MICALL2: variants seen among roughly 807,000 people sequenced by gnomAD.
MICALL2 encodes the protein MICAL like 2, also known as MICAL-like protein 2.
Under a neutral mutation model 91.1 loss-of-function variants are expected in MICALL2, and 111 were observed. The ratio of observed to expected loss-of-function variants is 1.22; its 90% confidence interval spans 1.04 to 1.43. The LOEUF (loss-of-function observed/expected upper bound fraction) is 1.43, where lower values mean the gene tolerates loss of function less well. Ranked by LOEUF, MICALL2 falls within the 40% of genes most tolerant of loss-of-function variation. MICALL2 has a pLI of 0.00. For missense variants in MICALL2, 1,556 were observed against 1,236.0 expected (o/e 1.26, Z -3.88); for synonymous variants, 694 against 525.3 (o/e 1.32, Z -4.39).
intron 10 of MICALL2, 101 bp from the exon 11 acceptor site, chr7:1,438,454 GC>G: frequency 2.0e-6 from 3 of 1,506,362 alleles, no homozygotes; most frequent in Non-Finnish European, 2.7e-6. Flanking sequence ...AGCACAGCTG[GC>G]CCCAGCCCTG....
rs777584378 is a variant in MICALL2, at chr7:1,440,642, G to A, written c.1754C>T (p.Ala585Val). The change falls in exon 8 of 17, where the codon GCA (alanine) becomes GTA (valine). Residue 585 changes from alanine (A) to valine (V), a missense_variant. Ala to Val is a moderately conservative substitution (Grantham distance 64). Transcript: ENST00000297508. Reference protein sequence around the residue: ...SLQEGQEDGPAGWRANLKPVD... With the variant: ...SLQEGQEDGPVGWRANLKPVD... Reference sequence around the variant, plus strand: ...GGGCTTCAGATTCGCTCTCCATCCTGCCGGCCCGTCCTCCTGGCCTTCCTG... The same window carrying A: ...GGGCTTCAGATTCGCTCTCCATCCTACCGGCCCGTCCTCCTGGCCTTCCTG... 4.3e-6 allele frequency: 7 copies of A among 1,612,620 alleles called. No homozygotes were observed. The Admixed American group carries it at 1.0e-4, about 23-fold the overall frequency.
chr7:1,440,544 G>A (rs772898192), intron 8 of MICALL2, 47 bp downstream of exon 8: 3 of 1,499,038 alleles, frequency 2.0e-6, no homozygotes, highest in African/African-American at 2.8e-5. Context: ...CATTTATTAA[G>A]CACCTATGGT....
At chr7:1,439,225 C>A in intron 9 of MICALL2, 1 of 526,680 alleles carries the variant, frequency 1.9e-6, no homozygotes, top group South Asian at 2.6e-5. Flanking sequence ...CAAGGTCACA[C>A]AGGAAGTGGC....
At position 1,438,945 on chromosome 7, in the gene MICALL2, G is replaced by A; in HGVS notation, c.2017C>T (p.Leu673Phe). Residue 673 changes from leucine to phenylalanine, a missense_variant, in exon 10 of 17, where the codon CTC (leucine) becomes TTC (phenylalanine). Physicochemically the swap from Leu to Phe is conservative, Grantham distance 22 (BLOSUM62 0). Transcript: ENST00000297508. ...CGAAGCCAGTTGTCACAAACGTCGA[G>A]GCTGGCAGGGACGGCCAGTCTCCTG... ...RRRRLAVPASLDVCDNWLRPE... is the reference protein window; with the variant it reads ...RRRRLAVPASFDVCDNWLRPE... 6.2e-7 allele frequency: 1 copy of A among 1,604,966 alleles called. No individual in the cohort carries two copies. Among genetic ancestry groups the A allele is most frequent in the African/African-American group, 1.3e-5 (1 of 75,036 alleles).
chr7:1,440,674 G>A lies in MICALL2; in HGVS notation c.1722C>T (p.Thr574=). ...CGTCCTCCTGGCCTTCCTGGAGGCT[G>A]GTGCTCATGTCTGGGTGGGAGGCAA... is the stretch of plus-strand genomic sequence containing the variant. ...KSTTLTQDMS[T]SLQEGQEDGP... Residue 574 remains threonine, a synonymous_variant, in exon 8 of 17, where the codon ACC becomes ACT. Transcript: ENST00000297508. 2 of 1,611,888 alleles carry A rather than the reference G, an allele frequency of 1.2e-6. No homozygotes were observed. Among genetic ancestry groups the A allele is most frequent in the Non-Finnish European group, 8.5e-7 (1 of 1,179,838 alleles).
chr7:1,437,377 G>GTTAAGT, intron 14 of MICALL2, 158 bp downstream of exon 14: 1 of 636,450 alleles, frequency 1.6e-6, no homozygotes, highest in Non-Finnish European at 2.6e-6. Flanking sequence ...ACACAGCCAG[G>GTTAAGT]AGGTGGGAGA....
intron 1 of MICALL2, 69 bp from the exon 2 acceptor site, chr7:1,450,357 A>G: frequency 7.5e-7 from 1 of 1,338,818 alleles, no homozygotes; most frequent in South Asian, 1.2e-5. Context: ...AGGGCCTCAG[A>G]GGTCATCTTG....
chr7:1,439,847 G>T, intron 9 of MICALL2, 78 bp downstream of exon 9: 2 of 1,261,152 alleles, frequency 1.6e-6, no homozygotes, highest in African/African-American at 1.6e-5. Flanking sequence ...GGCACTACAG[G>T]TCCAGTCCCG....
At chr7:1,434,985 G>GGGC in intron 16 of MICALL2, 116 bp downstream of exon 16, 7 of 255,658 alleles carry the variant, frequency 2.7e-5, no homozygotes, top group Non-Finnish European at 3.0e-5. Flanking sequence ...CCCGATACCC[G>GGGC]CCCCCCCCCC....
intron 9 of MICALL2, chr7:1,439,223 C>T (rs1444818447): frequency 1.9e-6 from 1 of 529,414 alleles, no homozygotes; most frequent in African/African-American, 1.9e-5. Context: ...CTCAAGGTCA[C>T]ACAGGAAGTG....
chr7:1,442,564 C>T lies in MICALL2; in HGVS notation c.1419-80G>A, dbSNP rs1780354479. The T allele has an allele frequency of 1.0e-5, 14 of 1,365,138 alleles. No individual in the cohort carries two copies. The Admixed American group carries it at 1.2e-4, about 11-fold the overall frequency. The allele number at this position is 1,365,138 out of a possible 1,614,324, so 84.6% of individuals were successfully genotyped here. ...ATCACCCGAGGCCGCCCCTCTGCCT[C>T]CCTGCAGCTCACTCCCAATGCCCAG... is the stretch of plus-strand genomic sequence containing the variant. On this transcript the variant is annotated intron_variant, in intron 6 of 16. Transcript: ENST00000297508.
In MICALL2 at chr7:1,458,030, G is replaced by C. The variant is rs189068087; in HGVS notation, c.143+1154C>G. Among the ~76,000 whole-genome samples, 740 of 152,402 alleles carry C rather than the reference G, an allele frequency of 4.9e-3. 4 individuals are homozygous for C. Among genetic ancestry groups the C allele is most frequent in the African/African-American group, 0.017 (695 of 41,600 alleles). The stretch of plus-strand genomic sequence containing the variant: ...GCAACAGAGGCACGTTCCTGGCGAG[G>C]GAGAGCGGCTGCTGCCCAAACGCCA... On this transcript the variant is annotated intron_variant, in intron 1 of 16. Coordinates refer to ENST00000297508, the MANE Select transcript of MICALL2 (RefSeq NM_182924.4).
intron 8 of MICALL2, 105 bp from the exon 9 acceptor site, chr7:1,440,190 G>C: frequency 7.1e-7 from 1 of 1,408,242 alleles, no homozygotes; most frequent in Non-Finnish European, 9.5e-7. Context: ...GGAGCAGGTG[G>C]CCTTCTGAGC....
At chr7:1,445,457 G>A in intron 5 of MICALL2, 29 bp from the exon 6 acceptor site, 1 of 1,471,274 alleles carries the variant, frequency 6.8e-7, no homozygotes, top group Non-Finnish European at 9.0e-7. Flanking sequence ...AGGAGCCCCA[G>A]CTCGGCACCG....
rs118132501 is a variant in MICALL2 at position 1,440,649 on chromosome 7, C to T, written c.1747G>A (p.Gly583Arg). 15,173 of 1,612,580 alleles carry T rather than the reference C, an allele frequency of 9.4e-3. 195 individuals are homozygous for T. Among genetic ancestry groups the T allele is most frequent in the South Asian group, 0.039 (3,528 of 91,068 alleles). The change falls in exon 8 of 17, where the codon GGG (glycine) becomes AGG (arginine). Residue 583 changes from glycine to arginine, a missense_variant. Coordinates refer to ENST00000297508, the MANE Select transcript of MICALL2 (RefSeq NM_182924.4). Reference sequence around the variant, plus strand: ...AGATTCGCTCTCCATCCTGCCGGCCCGTCCTCCTGGCCTTCCTGGAGGCTG... The same window carrying T: ...AGATTCGCTCTCCATCCTGCCGGCCTGTCCTCCTGGCCTTCCTGGAGGCTG... ...STSLQEGQED[G>R]PAGWRANLKP...
Position 1,444,828 on chromosome 7 carries a change from C to T in MICALL2, c.1242G>A (p.Gln414=). Residue 414 remains glutamine, a synonymous_variant, in exon 6 of 17, where the codon CAG becomes CAA. Coordinates refer to ENST00000297508, the MANE Select transcript of MICALL2 (RefSeq NM_182924.4). ...PAWTPSASRT[Q]QARNKFFQTS... ...TTTGGAAAAACTTATTCCGGGCCTG[C>T]TGGGTCCTGGAGGCGGACGGGGTCC... The T allele has an allele frequency of 1.2e-6, 2 of 1,609,848 alleles. No individual in the cohort carries two copies. The highest frequency in any genetic ancestry group is 1.3e-5 in the African/African-American group (1 of 75,024).
chr7:1,439,630 CAT>C (rs1470502300), intron 9 of MICALL2: 3 of 341,926 alleles, frequency 8.8e-6, no homozygotes, highest in African/African-American at 2.1e-5. Flanking sequence ...TGAACAGACA[CAT>C]GGACATGCAT....
chr7:1,457,861 C>A (rs886580109), intron 1 of MICALL2, among the ~76,000 whole-genome samples: 1 of 152,254 alleles, frequency 6.6e-6, no homozygotes, highest in Admixed American at 6.5e-5. Flanking sequence ...CCTGCAGCCC[C>A]GGGGGTGGGG....
At chr7:1,442,833 C>T (rs1420709824) in intron 6 of MICALL2, among the ~76,000 whole-genome samples, 1 of 152,200 alleles carries the variant, frequency 6.6e-6, no homozygotes, top group Admixed American at 6.5e-5. Flanking sequence ...AATATCCACC[C>T]CCTAAACACA....
Sources: gnomAD v4.1 joint callset for allele counts (sites outside exome capture counted in the v4.1 genomes callset) on GRCh38, gnomAD v4.1.1 for gene constraint, MANE v1.5 for transcripts, NCBI Gene and HGNC (gene_info 2026-07-23, HGNC 2026-07-21) for gene names.